The following DLGAP2 variants were observed in gnomAD, a reference collection of about 807,000 sequenced individuals.
DLGAP2 encodes DLG associated protein 2.
A neutral mutation model predicts 100.3 loss-of-function variants in DLGAP2; 26 were observed. The ratio of observed to expected loss-of-function variants is 0.26; its 90% CI spans 0.19 to 0.36. The LOEUF (loss-of-function observed/expected upper bound fraction) is 0.36. Ranked by LOEUF, DLGAP2 falls within the 10% of genes least tolerant of loss-of-function variation. The pLI is 1.00. For synonymous variants in DLGAP2, 886 were observed against 630.1 expected, an observed-to-expected ratio of 1.41 and a Z score of -6.08; for missense variants, 1,858 against 1,453.2, an observed-to-expected ratio of 1.28 and a Z score of -4.53.
At chr8:1,091,340 T>A (rs1347923464) in intron 2 of DLGAP2, among the ~76,000 whole-genome samples, 1 of 152,234 alleles carries the variant, frequency 6.6e-6, no homozygotes, top group Non-Finnish European at 1.5e-5. Context: ...CAGAAGCGTC[T>A]GCTGAGCATT....
chr8:1,556,329 C>T (rs7010686), intron 5 of DLGAP2, among the ~76,000 whole-genome samples: 8,538 of 152,054 alleles, frequency 0.056, 787 homozygotes, highest in African/African-American at 0.19. Flanking sequence ...CGGAGTCCTG[C>T]TCTGTCCTCT....
At chr8:1,255,749 G>A (rs1799189938) in intron 2 of DLGAP2, among the ~76,000 whole-genome samples, 2 of 143,062 alleles carry the variant, frequency 1.4e-5, no homozygotes, top group South Asian at 4.7e-4. Flanking sequence ...CACTGTATGT[G>A]TGTCCTCTCC....
Position 1,442,557 on chromosome 8 carries a change from G to A in DLGAP2, c.107-58809G>A, listed in dbSNP as rs1194432474. On this transcript the variant is annotated intron_variant, in intron 3 of 14. Coordinates refer to ENST00000637795, the MANE Select transcript of DLGAP2 (RefSeq NM_001346810.2). ...TTCAGCCACTGGGGGAGACGGATCCGGGCGTAGACCCGCCAGGCTGCTGTG... is the reference window on the plus strand; with the variant it reads ...TTCAGCCACTGGGGGAGACGGATCCAGGCGTAGACCCGCCAGGCTGCTGTG... Among the ~76,000 whole-genome samples the A allele has an allele frequency of 9.6e-5, 12 of 125,056 alleles. No homozygotes were observed. The South Asian group carries it at 2.6e-3, about 27-fold the overall frequency. 82.0% of individuals were successfully genotyped at this position (125,056 alleles called of 152,430 possible).
intron 2 of DLGAP2, among the ~76,000 whole-genome samples, chr8:1,080,268 C>A (rs577999802): frequency 6.6e-6 from 1 of 152,200 alleles, no homozygotes; most frequent in Non-Finnish European, 1.5e-5. Flanking sequence ...GTGATGCGGG[C>A]GCCACCCCCG....
intron 4 of DLGAP2, among the ~76,000 whole-genome samples, chr8:1,522,645 C>T (rs953038922): frequency 6.6e-6 from 1 of 152,194 alleles, no homozygotes; most frequent in Non-Finnish European, 1.5e-5. Flanking sequence ...GTAAAGTCAC[C>T]AGCAGAACCT....
intron 2 of DLGAP2, among the ~76,000 whole-genome samples, chr8:1,256,590 C>T (rs1002510901): frequency 5.3e-5 from 8 of 151,410 alleles, no homozygotes; most frequent in Admixed American, 3.9e-4. Context: ...TGTGTACTCT[C>T]CTGCCCGGGT....
intron 1 of DLGAP2, chr8:739,293 C>G (rs945395085): frequency 6.6e-6 from 1 of 152,284 alleles, no homozygotes; most frequent in Admixed American, 6.5e-5. Context: ...CGGACAGAGA[C>G]CCGGTCCCAG....
chr8:1,503,884 G>A (rs1584961387), intron 4 of DLGAP2, among the ~76,000 whole-genome samples: 1 of 152,102 alleles, frequency 6.6e-6, no homozygotes. Context: ...GGTGGTACGT[G>A]GGTGGAGGAC....
At chr8:1,222,089 A>T (rs1161755938) in intron 2 of DLGAP2, among the ~76,000 whole-genome samples, 2 of 152,152 alleles carry the variant, frequency 1.3e-5, no homozygotes, top group Non-Finnish European at 2.9e-5. Flanking sequence ...TGTTTCAGCC[A>T]TTTCAATCTG....
rs972392370 is a variant in DLGAP2, at chr8:1,706,860, C to T, written c.*5454C>T. ...ATTCCAGGCGTTTGTAATTTTTCTA[C>T]TTCGCACTTGAGAGAAGGCAGAGGT... On this transcript the variant is annotated 3_prime_UTR_variant, in exon 15 of 15. Transcript: ENST00000637795. The T allele has an allele frequency of 6.6e-6, 1 of 152,186 alleles. No homozygotes were observed. The highest frequency in any genetic ancestry group is 1.5e-5 in the Non-Finnish European group (1 of 68,026). 9.4% of individuals were successfully genotyped at this position (152,186 alleles called of 1,614,324 possible).
At chr8:822,385 T>C (rs1796599586) in intron 1 of DLGAP2, among the ~76,000 whole-genome samples, 2 of 152,170 alleles carry the variant, frequency 1.3e-5, no homozygotes, top group South Asian at 4.1e-4. Flanking sequence ...TGAGTGTTCC[T>C]GGGGCAGAAG....
In DLGAP2 at chr8:920,211, G is replaced by T. The variant is rs144684600; in HGVS notation, c.73+12245G>T. 3.4e-3 allele frequency among the ~76,000 whole-genome samples: 511 copies of T among 152,346 alleles called. 2 individuals carry two copies. Among genetic ancestry groups the T allele is most frequent in the Middle Eastern group, 0.017 (5 of 294 alleles). ...GCTTGTGAGAGACATGGTGCCCAGG[G>T]TCGTGCTGGGCTCTGCCCACAGAGG... On this transcript the variant is annotated intron_variant, in intron 2 of 14. Transcript: ENST00000637795.
intron 6 of DLGAP2, among the ~76,000 whole-genome samples, chr8:1,592,145 C>T (rs541491302): frequency 1.1e-4 from 16 of 152,170 alleles, no homozygotes; most frequent in Admixed American, 8.5e-4. Context: ...AGCACACGCC[C>T]GCCCAGGCTT....
chr8:1,051,679 C>A (rs574432067), intron 2 of DLGAP2, among the ~76,000 whole-genome samples: 10 of 152,242 alleles, frequency 6.6e-5, no homozygotes, highest in Non-Finnish European at 2.9e-5. Context: ...TGGTCCACAT[C>A]ACAGTTTAGA....
chr8:1,443,252 G>A (rs995462310), intron 3 of DLGAP2, among the ~76,000 whole-genome samples: 1 of 151,424 alleles, frequency 6.6e-6, no homozygotes, highest in Non-Finnish European at 1.5e-5. Context: ...ATAATCGCAG[G>A]TAACATTTGG....
At chr8:989,997 C>G (rs537762585) in intron 2 of DLGAP2, among the ~76,000 whole-genome samples, 1 of 152,082 alleles carries the variant, frequency 6.6e-6, no homozygotes, top group Non-Finnish European at 1.5e-5. Context: ...GAAAGCCTCT[C>G]TTGCCGCTCC....
intron 5 of DLGAP2, among the ~76,000 whole-genome samples, chr8:1,551,013 A>T (rs938801035): frequency 6.6e-6 from 1 of 152,204 alleles, no homozygotes. Context: ...AGCAGCCGTG[A>T]TTCTTTCTGG....
At chr8:1,491,425 C>G (rs1338405816) in intron 3 of DLGAP2, among the ~76,000 whole-genome samples, 1 of 152,260 alleles carries the variant, frequency 6.6e-6, no homozygotes, top group African/African-American at 2.4e-5. Context: ...TCCCCCTGAT[C>G]TCAGAGGCTG....
chr8:912,180 G>C (rs749831676), intron 2 of DLGAP2, among the ~76,000 whole-genome samples: 8 of 152,142 alleles, frequency 5.3e-5, no homozygotes, highest in African/African-American at 1.9e-4. Context: ...TGCAAACTTT[G>C]ATAATAAGAA....
Sources: gnomAD v4.1 joint callset for allele counts (sites outside exome capture counted in the v4.1 genomes callset) on GRCh38, gnomAD v4.1.1 for gene constraint, MANE v1.5 for transcripts, NCBI Gene and HGNC (gene_info 2026-07-23, HGNC 2026-07-21) for gene names.